The following MS4A14 variants were observed in gnomAD, a reference collection of about 807,000 sequenced individuals.
The protein encoded by MS4A14 is membrane-spanning 4-domains subfamily A member 14.
MS4A14 carries 18 observed loss-of-function variants against 16.7 expected under a neutral mutation model. The observed-to-expected ratio is 1.08, with a 90% CI of 0.75 to 1.60. The LOEUF (loss-of-function observed/expected upper bound fraction) is 1.60, where lower values mean the gene tolerates loss of function less well. Ranked by LOEUF, MS4A14 falls within the 40% of genes most tolerant of loss-of-function variation. MS4A14 has a pLI of 0.00. For missense variants in MS4A14, 812 were observed against 775.3 expected (o/e 1.05, Z -0.56); for synonymous variants, 305 against 289.4 (o/e 1.05, Z -0.55).
At chr11:60,411,848 C>T (rs1475895931) in intron 4 of MS4A14, among the ~76,000 whole-genome samples, 1 of 152,094 alleles carries the variant, frequency 6.6e-6, no homozygotes, top group Non-Finnish European at 1.5e-5. Flanking sequence ...AGTTCCTGAT[C>T]TTAGGGGGAA....
In MS4A14 at chr11:60,396,506, T is replaced by G; in HGVS notation, c.-73T>G. The G allele has an allele frequency of 6.4e-7, 1 of 1,551,982 alleles. No individual in the cohort carries two copies. The highest frequency in any genetic ancestry group is 8.7e-7 in the Non-Finnish European group (1 of 1,143,280). ...CTCTGAGGGCTCCATGTGACTCTGGTGGAGAGGTAGATCATGATTTGGGCG... is the reference window on the plus strand; with the variant it reads ...CTCTGAGGGCTCCATGTGACTCTGGGGGAGAGGTAGATCATGATTTGGGCG... On this transcript the variant is annotated 5_prime_UTR_variant, in exon 1 of 5. Transcript: ENST00000300187.
In MS4A14 at chr11:60,416,053, C is replaced by T; in HGVS notation, c.1085C>T (p.Ser362Phe). 1 of 1,613,274 alleles carries T rather than the reference C, an allele frequency of 6.2e-7. No homozygotes were observed. The highest frequency in any genetic ancestry group is 1.7e-5 in the Admixed American group (1 of 59,778). Residue 362 changes from serine (S) to phenylalanine (F), a missense_variant, in exon 5 of 5, where the codon TCC (serine) becomes TTC (phenylalanine). Physicochemically the swap from Ser to Phe is radical, Grantham distance 155 (BLOSUM62 -2). Coordinates refer to ENST00000300187, the MANE Select transcript of MS4A14 (RefSeq NM_032597.5). ...ANDLPPQGIL[S>F]QDTSSQDMLF... Reference sequence around the variant, plus strand: ...GACCTGCCCCCTCAAGGCATACTATCCCAAGACACATCATCTCAAGATATG... The same window carrying T: ...GACCTGCCCCCTCAAGGCATACTATTCCAAGACACATCATCTCAAGATATG...
chr11:60,402,862 TG>T (rs2085734397), intron 3 of MS4A14, 49 bp from the exon 4 acceptor site: 2 of 1,570,352 alleles, frequency 1.3e-6, no homozygotes, highest in Non-Finnish European at 1.7e-6. Flanking sequence ...AAGATATTTT[TG>T]CTTTGGTTTC....
At chr11:60,397,420 C>CCCAA (rs1353693666) in intron 1 of MS4A14, among the ~76,000 whole-genome samples, 16 of 151,974 alleles carry the variant, frequency 1.1e-4, no homozygotes, top group African/African-American at 3.6e-4. Flanking sequence ...TTCCAAAAGC[C>CCCAA]TATACTGAGT....
At chr11:60,412,743 C>T (rs1025592542) in intron 4 of MS4A14, among the ~76,000 whole-genome samples, 2 of 152,042 alleles carry the variant, frequency 1.3e-5, no homozygotes, top group East Asian at 3.9e-4. Context: ...TTCTGCCCCA[C>T]TAAAATTATG....
At chr11:60,409,338 C>T (rs1220616165) in intron 4 of MS4A14, among the ~76,000 whole-genome samples, 3 of 152,078 alleles carry the variant, frequency 2.0e-5, no homozygotes, top group African/African-American at 7.2e-5. Context: ...CCTTCCCTAG[C>T]CTCTGGTAAC....
chr11:60,414,231 G>C (rs1434852655), intron 4 of MS4A14, among the ~76,000 whole-genome samples: 4 of 152,008 alleles, frequency 2.6e-5, no homozygotes, highest in African/African-American at 9.7e-5. Context: ...ATGAAACAAA[G>C]TTTGAGGATT....
At chr11:60,405,037 AAC>A (rs2085766741) in intron 4 of MS4A14, among the ~76,000 whole-genome samples, 1 of 152,132 alleles carries the variant, frequency 6.6e-6, no homozygotes, top group Non-Finnish European at 1.5e-5. Context: ...AAGATTCAGA[AAC>A]ACACAGTTAT....
At position 60,413,777 on chromosome 11, in the gene MS4A14, A is replaced by G. The variant is rs555648849; in HGVS notation, c.469-1660A>G. Among the ~76,000 whole-genome samples, 8 of 152,192 alleles carry G rather than the reference A, an allele frequency of 5.3e-5. No homozygotes were observed. In the East Asian group the frequency reaches 1.5e-3, roughly 29 times the overall value. On this transcript the variant is annotated intron_variant, in intron 4 of 4. Transcript: ENST00000300187. Reference sequence around the variant, plus strand: ...AAAGGAAAGGGAAAGTGAACTCTACATTTACGGAGAAATTTCTCTGTGCCA... The same window carrying G: ...AAAGGAAAGGGAAAGTGAACTCTACGTTTACGGAGAAATTTCTCTGTGCCA...
At chr11:60,404,033 C>T (rs572038577) in intron 4 of MS4A14, among the ~76,000 whole-genome samples, 22 of 152,252 alleles carry the variant, frequency 1.4e-4, no homozygotes, top group Admixed American at 2.0e-4. Flanking sequence ...ACAACATAAG[C>T]GATAAAACCC....
rs570087407 is a variant in MS4A14 at position 60,415,868 on chromosome 11, A to T, written c.900A>T (p.Ser300=). The change falls in exon 5 of 5, where the codon TCA becomes TCT. Residue 300 remains serine (S), a synonymous_variant. Coordinates refer to ENST00000300187, the MANE Select transcript of MS4A14 (RefSeq NM_032597.5). ...AGCTTCTGCAGGACCAAGCTGCGTCACTCCAAGTTTTTCCATCCCATTCTG... is the reference window on the plus strand; with the variant it reads ...AGCTTCTGCAGGACCAAGCTGCGTCTCTCCAAGTTTTTCCATCCCATTCTG... ...QTKLLQDQAA[S]LQVFPSHSAL... 10 of 1,613,816 alleles carry T rather than the reference A, an allele frequency of 6.2e-6. No individual in the cohort carries two copies. Among genetic ancestry groups the T allele is most frequent in the Non-Finnish European group, 6.8e-6 (8 of 1,179,928 alleles).
intron 2 of MS4A14, among the ~76,000 whole-genome samples, chr11:60,399,210 T>C (rs1384080799): frequency 6.6e-6 from 1 of 152,216 alleles, no homozygotes; most frequent in Non-Finnish European, 1.5e-5. Flanking sequence ...CCTACACTTG[T>C]GCTAAGTGCT....
At chr11:60,407,827 T>C (rs949391530) in intron 4 of MS4A14, among the ~76,000 whole-genome samples, 2 of 88,766 alleles carry the variant, frequency 2.3e-5, no homozygotes, top group African/African-American at 7.0e-5. Flanking sequence ...CCTTTACAAA[T>C]ATTTTTTCAC....
At position 60,416,364 on chromosome 11, in the gene MS4A14, G is replaced by A; in HGVS notation, c.1396G>A (p.Glu466Lys). 1 of 1,613,954 alleles carries A rather than the reference G, an allele frequency of 6.2e-7. No homozygotes were observed. Among genetic ancestry groups the A allele is most frequent in the Non-Finnish European group, 8.5e-7 (1 of 1,179,948 alleles). The part of the protein sequence containing the change: ...SYQDIRSEVM[E>K]ETKEWKSEEE... ...TCAAGATATTAGATCAGAAGTTATG[G>A]AAGAGACCAAAGAATGGAAATCTGA... Residue 466 changes from glutamate to lysine, a missense_variant, in exon 5 of 5, where the codon GAA becomes AAA. Glu to Lys is a moderately conservative substitution (Grantham distance 56, BLOSUM62 1). Transcript: ENST00000300187.
rs866165063 is a variant in MS4A14 at position 60,402,546 on chromosome 11, C to A, written c.319-366C>A. On this transcript the variant is annotated intron_variant, in intron 3 of 4. Coordinates refer to ENST00000300187, the MANE Select transcript of MS4A14 (RefSeq NM_032597.5). ...GATTCCAGGAGATTAGGTTACTTGC[C>A]TAAGGTCCTAGTGAAACTTGGACTT... 2.6e-5 allele frequency among the ~76,000 whole-genome samples: 4 copies of A among 152,272 alleles called. No individual in the cohort carries two copies. In the South Asian group the frequency reaches 8.3e-4, roughly 32 times the overall value.
chr11:60,409,692 T>C (rs1484671061), intron 4 of MS4A14, among the ~76,000 whole-genome samples: 2 of 151,750 alleles, frequency 1.3e-5, no homozygotes, highest in Non-Finnish European at 2.9e-5. Flanking sequence ...GGAGTACAGA[T>C]GTTTCTCCAA....
chr11:60,400,509 T>C, intron 3 of MS4A14, 55 bp downstream of exon 3: 1 of 1,262,766 alleles, frequency 7.9e-7, no homozygotes, highest in Non-Finnish European at 1.1e-6. Flanking sequence ...TTATATCATC[T>C]TTATGTATGA....
chr11:60,412,496 G>A (rs950725765), intron 4 of MS4A14, among the ~76,000 whole-genome samples: 6 of 151,770 alleles, frequency 4.0e-5, no homozygotes, highest in Non-Finnish European at 8.9e-5. Flanking sequence ...TTCTTATACA[G>A]TATCTGATTT....
chr11:60,417,049 GC>G lies in MS4A14; in HGVS notation c.*42del. On this transcript the variant is annotated 3_prime_UTR_variant, in exon 5 of 5. Transcript: ENST00000300187. ...ACAAAGATTATAAAGCACGAGAATG[GC>G]AATTTGAAATGAAGCACTGGCAAAC... The G allele has an allele frequency of 6.4e-7, 1 of 1,567,724 alleles. No individual in the cohort carries two copies. The highest frequency in any genetic ancestry group is 8.6e-7 in the Non-Finnish European group (1 of 1,160,864).
Sources: gnomAD v4.1 joint callset for allele counts (sites outside exome capture counted in the v4.1 genomes callset) on GRCh38, gnomAD v4.1.1 for gene constraint, MANE v1.5 for transcripts, NCBI Gene and HGNC (gene_info 2026-07-23, HGNC 2026-07-21) for gene names.